Variants in FGF12 observed in about 807,000 individuals in gnomAD.
FGF12 encodes fibroblast growth factor 12.
FGF12 carries 14 observed loss-of-function variants against 23.6 expected under a neutral mutation model. The observed-to-expected ratio is 0.59, with a 90% CI of 0.39 to 0.93. The LOEUF (loss-of-function observed/expected upper bound fraction) is 0.93, where lower values mean the gene tolerates loss of function less well. Ranked by LOEUF, FGF12 falls within the 40% of genes least tolerant of loss-of-function variation. FGF12 has a pLI of 0.00. For synonymous variants in FGF12, 62 were observed against 77.3 expected, an observed-to-expected ratio of 0.80 and a Z score of 1.04; for missense variants, 175 against 217.8, an observed-to-expected ratio of 0.80 and a Z score of 1.24.
At chr3:192,423,113 T>C (rs1721582146) in intron 2 of FGF12, among the ~76,000 whole-genome samples, 1 of 152,202 alleles carries the variant, frequency 6.6e-6, no homozygotes, top group Non-Finnish European at 1.5e-5. Flanking sequence ...TCTACTTCCT[T>C]GAAAATTGTG....
At chr3:192,488,702 G>A (rs1295948242) in intron 2 of FGF12, among the ~76,000 whole-genome samples, 2 of 152,024 alleles carry the variant, frequency 1.3e-5, no homozygotes. Flanking sequence ...GCTGCTTGCA[G>A]GGAGTCAACT....
chr3:192,550,668 A>C (rs1380350191), intron 2 of FGF12, among the ~76,000 whole-genome samples: 1 of 152,122 alleles, frequency 6.6e-6, no homozygotes, highest in East Asian at 1.9e-4. Flanking sequence ...TAACACAACT[A>C]GAGCATCAGG....
intron 2 of FGF12, among the ~76,000 whole-genome samples, chr3:192,631,148 C>CT (rs1560175149): frequency 2.0e-5 from 3 of 152,070 alleles, no homozygotes; most frequent in Admixed American, 1.3e-4. Flanking sequence ...TGAGAAGGAT[C>CT]TTTTTTTGCT....
At chr3:192,290,912 A>G (rs1457660591) in intron 4 of FGF12, among the ~76,000 whole-genome samples, 6 of 152,200 alleles carry the variant, frequency 3.9e-5, no homozygotes, top group African/African-American at 1.4e-4. Flanking sequence ...CATACAAAAA[A>G]TATGTATATA....
intron 4 of FGF12, among the ~76,000 whole-genome samples, chr3:192,257,489 A>G (rs1712474271): frequency 6.6e-6 from 1 of 151,990 alleles, no homozygotes; most frequent in African/African-American, 2.4e-5. Context: ...GGAAACCCTT[A>G]CCCATCATTA....
chr3:192,391,665 TAC>T (rs1560096782), intron 2 of FGF12, among the ~76,000 whole-genome samples: 1 of 152,208 alleles, frequency 6.6e-6, no homozygotes, highest in Admixed American at 6.5e-5. Flanking sequence ...CTATATGAAA[TAC>T]AGTTTCATAA....
chr3:192,506,370 C>T (rs948781094), intron 2 of FGF12, among the ~76,000 whole-genome samples: 11 of 152,002 alleles, frequency 7.2e-5, no homozygotes, highest in South Asian at 2.1e-4. Context: ...TTGTTTTGTT[C>T]GTTTTGTTTT....
At chr3:192,580,503 T>G (rs937870319) in intron 2 of FGF12, among the ~76,000 whole-genome samples, 4 of 152,354 alleles carry the variant, frequency 2.6e-5, no homozygotes, top group Non-Finnish European at 5.9e-5. Context: ...TCCTAAGGTA[T>G]AGCTCCACAT....
chr3:192,646,955 G>A (rs1016235598), intron 2 of FGF12, among the ~76,000 whole-genome samples: 1 of 152,074 alleles, frequency 6.6e-6, no homozygotes, highest in African/African-American at 2.4e-5. Context: ...CTAACATAGA[G>A]ATAGATCTAG....
intron 2 of FGF12, among the ~76,000 whole-genome samples, chr3:192,415,712 ACTTCT>A (rs1721326196): frequency 1.4e-5 from 2 of 142,246 alleles, no homozygotes; most frequent in South Asian, 2.2e-4. Flanking sequence ...CAGTTCTGAT[ACTTCT>A]CTTCTCTCTC....
intron 2 of FGF12, among the ~76,000 whole-genome samples, chr3:192,387,424 T>C (rs997569390): frequency 6.6e-6 from 1 of 152,096 alleles, no homozygotes; most frequent in African/African-American, 2.4e-5. Flanking sequence ...AGAAAGAAAA[T>C]AGCGTATTAA....
At chr3:192,148,889 T>G (rs1226744771) in intron 5 of FGF12, among the ~76,000 whole-genome samples, 1 of 152,186 alleles carries the variant, frequency 6.6e-6, no homozygotes, top group East Asian at 1.9e-4. Flanking sequence ...TTTAGCCATA[T>G]GTGGCCACTG....
chr3:192,515,690 C>T (rs964005856), intron 2 of FGF12, among the ~76,000 whole-genome samples: 4 of 152,090 alleles, frequency 2.6e-5, no homozygotes, highest in Admixed American at 2.6e-4. Flanking sequence ...GCAGGTGAGG[C>T]GAGAAATCTG....
At position 192,568,559 on chromosome 3, in the gene FGF12, G is replaced by C. The variant is rs1050441468; in HGVS notation, c.13+158622C>G. The stretch of plus-strand genomic sequence containing the variant: ...GGTCTAAGAGGAAATGAACAGTAAG[G>C]CTTCAGAGAAATGAAAGCATTCATA... On this transcript the variant is annotated intron_variant, in intron 2 of 5. Coordinates refer to ENST00000445105, the MANE Select transcript of FGF12 (RefSeq NM_004113.6). 3.3e-5 allele frequency among the ~76,000 whole-genome samples: 5 copies of C among 152,148 alleles called. No homozygotes were observed. The East Asian group carries it at 5.8e-4, about 18-fold the overall frequency.
chr3:192,499,513 TATA>T (rs1463156100), intron 2 of FGF12, among the ~76,000 whole-genome samples: 38 of 50,842 alleles, frequency 7.5e-4, no homozygotes, highest in African/African-American at 2.8e-3. Flanking sequence ...TATATATATA[TATA>T]TTTTTTTTTT....
At chr3:192,535,020 T>G (rs1236276241) in intron 2 of FGF12, among the ~76,000 whole-genome samples, 1 of 151,150 alleles carries the variant, frequency 6.6e-6, no homozygotes, top group Non-Finnish European at 1.5e-5. Context: ...GAAGTGGTAT[T>G]CCTGACTCCT....
intron 2 of FGF12, among the ~76,000 whole-genome samples, chr3:192,669,710 T>TGG (rs1717039410): frequency 6.7e-6 from 1 of 150,102 alleles, no homozygotes; most frequent in Non-Finnish European, 1.5e-5. Flanking sequence ...ATTTTTCCAA[T>TGG]AATATTAAAT....
At chr3:192,304,356 GA>G (rs1352663030) in intron 4 of FGF12, among the ~76,000 whole-genome samples, 1 of 152,126 alleles carries the variant, frequency 6.6e-6, no homozygotes, top group Non-Finnish European at 1.5e-5. Flanking sequence ...TCCATTCCAT[GA>G]AATTACTATT....
intron 4 of FGF12, among the ~76,000 whole-genome samples, chr3:192,258,283 C>T (rs919477548): frequency 3.5e-4 from 53 of 152,024 alleles, no homozygotes; most frequent in African/African-American, 1.2e-3. Flanking sequence ...TATGGCAAAA[C>T]CCCATCTCTA....
Sources: allele counts gnomAD v4.1 joint callset (sites outside exome capture counted in the v4.1 genomes callset), GRCh38; gene constraint gnomAD v4.1.1; transcripts MANE v1.5; gene names NCBI Gene and HGNC (gene_info 2026-07-23, HGNC 2026-07-21).